Variants in CCDC171 observed in about 807,000 individuals in gnomAD.
The protein encoded by CCDC171 is coiled-coil domain-containing protein 171.
CCDC171 carries 177 observed loss-of-function variants against 168.2 expected under a neutral mutation model. That is an observed-to-expected ratio of 1.05 (90% CI 0.93 to 1.19). The LOEUF is 1.19. Among genes scored for constraint, CCDC171 ranks in the 50% most tolerant of loss-of-function variants. The pLI, the probability that CCDC171 is intolerant of heterozygous loss-of-function variation, is 0.00. For synonymous variants in CCDC171, 687 were observed against 540.8 expected (o/e 1.27, Z -3.75); for missense variants, 1,991 against 1,539.0 (o/e 1.29, Z -4.91).
chr9:15,779,315 A>C (rs947853856), intron 20 of CCDC171, among the ~76,000 whole-genome samples, 165 bp downstream of exon 20: 1 of 152,100 alleles, frequency 6.6e-6, no homozygotes, highest in African/African-American at 2.4e-5. Flanking sequence ...AAATGCCTCT[A>C]ATTGCTGATG....
Position 15,846,321 on chromosome 9 carries a change from C to CT in CCDC171, c.3268-380dup, listed in dbSNP as rs137923808. On this transcript the variant is annotated intron_variant, in intron 21 of 25. Transcript: ENST00000380701. Reference sequence around the variant, plus strand: ...TTTGGGCATATGATAGTTCTTAACTCTAATTCTATTTGGAATAAAATTGAC... The same window carrying CT: ...TTTGGGCATATGATAGTTCTTAACTCTTAATTCTATTTGGAATAAAATTGAC... Among the ~76,000 whole-genome samples, 1,184 of 152,190 alleles carry CT rather than the reference C, an allele frequency of 7.8e-3. 12 individuals carry two copies. Among genetic ancestry groups the CT allele is most frequent in the African/African-American group, 0.027 (1,127 of 41,548 alleles).
chr9:16,075,793 A>T, the CCDC171 span, among the ~76,000 whole-genome samples: 1 of 152,202 alleles, frequency 6.6e-6, no homozygotes, highest in Non-Finnish European at 1.5e-5. Flanking sequence ...GTGGCAACCC[A>T]TTAATGGGTC....
At chr9:15,733,859 C>T (rs1345327511) in intron 16 of CCDC171, among the ~76,000 whole-genome samples, 1 of 152,154 alleles carries the variant, frequency 6.6e-6, no homozygotes, top group South Asian at 2.1e-4. Context: ...GCCTTAACCT[C>T]CTGTGCTCAA....
At chr9:15,766,814 C>G (rs1459956201) in intron 18 of CCDC171, among the ~76,000 whole-genome samples, 5 of 152,090 alleles carry the variant, frequency 3.3e-5, no homozygotes, top group Non-Finnish European at 7.4e-5. Flanking sequence ...TGCTACCACA[C>G]TCAGCTGATT....
At chr9:15,941,416 A>C (rs1827720272) in intron 25 of CCDC171, among the ~76,000 whole-genome samples, 1 of 151,902 alleles carries the variant, frequency 6.6e-6, no homozygotes, top group African/African-American at 2.4e-5. Flanking sequence ...ATTCACATTT[A>C]ATTTGCACCC....
chr9:15,646,173 A>C (rs1040481227), intron 7 of CCDC171, among the ~76,000 whole-genome samples: 10 of 152,202 alleles, frequency 6.6e-5, no homozygotes, highest in Admixed American at 6.5e-5. Flanking sequence ...GGAGAAATAA[A>C]ATCCTTTACA....
chr9:15,692,635 C>T (rs546946879), intron 10 of CCDC171, among the ~76,000 whole-genome samples: 72 of 151,196 alleles, frequency 4.8e-4, no homozygotes, highest in Non-Finnish European at 1.0e-3. Flanking sequence ...TCACGCCATT[C>T]TCCTGCCTCA....
At chr9:15,639,453 C>A (rs922693155) in intron 7 of CCDC171, among the ~76,000 whole-genome samples, 4 of 151,860 alleles carry the variant, frequency 2.6e-5, no homozygotes, top group African/African-American at 9.7e-5. Context: ...AATTTGCGAC[C>A]ACAAATTCTG....
the CCDC171 span, among the ~76,000 whole-genome samples, chr9:16,094,782 T>A: frequency 6.6e-6 from 1 of 152,156 alleles, no homozygotes; most frequent in Non-Finnish European, 1.5e-5. Context: ...AAGGAGGTCA[T>A]CCAAGAAACA....
the CCDC171 span, among the ~76,000 whole-genome samples, chr9:16,100,415 G>C: frequency 4.6e-5 from 7 of 152,098 alleles, no homozygotes; most frequent in Admixed American, 2.6e-4. Flanking sequence ...GATAAAGGGT[G>C]GGGGGTCTGG....
chr9:15,629,585 C>G (rs2045498744), intron 7 of CCDC171, among the ~76,000 whole-genome samples: 2 of 152,234 alleles, frequency 1.3e-5, no homozygotes, highest in Admixed American at 6.5e-5. Flanking sequence ...AGAATGGAAC[C>G]AAGTTGGAAA....
chr9:15,560,751 C>T (rs761335966), intron 1 of CCDC171, among the ~76,000 whole-genome samples: 4 of 152,156 alleles, frequency 2.6e-5, no homozygotes, highest in African/African-American at 4.8e-5. Context: ...AAGTCATTCC[C>T]AGTCCAGCTT....
chr9:16,017,838 C>A (rs763673650), intron 3 of CCDC171, among the ~76,000 whole-genome samples: 1 of 152,124 alleles, frequency 6.6e-6, no homozygotes, highest in Non-Finnish European at 1.5e-5. Context: ...CTAGGTTGAG[C>A]TTTGAGATAT....
chr9:15,610,483 T>TAAAAAAAAAAAAAAAAAAAA (rs1351393897), intron 6 of CCDC171, among the ~76,000 whole-genome samples: 2 of 43,082 alleles, frequency 4.6e-5, no homozygotes, highest in Non-Finnish European at 4.5e-5. Context: ...AAAAAAAAAC[T>TAAAAAAAAAAAAAAAAAAAA]GGGCGTGGTG....
Position 15,657,234 on chromosome 9 carries a change from A to C in CCDC171, c.915+15A>C, listed in dbSNP as rs1260630467. On this transcript the variant is annotated intron_variant, in intron 8 of 25. Coordinates refer to ENST00000380701, the MANE Select transcript of CCDC171 (RefSeq NM_173550.4). The stretch of plus-strand genomic sequence containing the variant: ...AAATTATTCAGGTAAAATGTAAACA[A>C]ATATTTTGGCCTGCATTTTCTTAAT... 6.5e-7 allele frequency: 1 copy of C among 1,527,570 alleles called. No individual in the cohort carries two copies. The highest frequency in any genetic ancestry group is 2.3e-5 in the East Asian group (1 of 44,296). The allele number at this position is 1,527,570 out of a possible 1,614,324, so 94.6% of individuals were successfully genotyped here.
At chr9:15,882,332 G>C (rs945183753) in intron 24 of CCDC171, among the ~76,000 whole-genome samples, 2 of 152,118 alleles carry the variant, frequency 1.3e-5, no homozygotes, top group Non-Finnish European at 2.9e-5. Context: ...TGCATATTCT[G>C]GTTGTTAATC....
Position 15,745,390 on chromosome 9 carries a change from C to T in CCDC171, c.2555-125C>T, listed in dbSNP as rs540912543. The T allele has an allele frequency of 1.7e-5, 8 of 481,498 alleles. No individual in the cohort carries two copies. The South Asian group carries it at 3.6e-4, about 22-fold the overall frequency. 29.8% of individuals were successfully genotyped at this position (481,498 alleles called of 1,614,324 possible). ...ATCTAACATTTAATAGATTTTTCCA[C>T]ATTAGGCAATGTTCACAATAGGGTT... On this transcript the variant is annotated intron_variant, in intron 17 of 25. Coordinates refer to ENST00000380701, the MANE Select transcript of CCDC171 (RefSeq NM_173550.4).
intron 23 of CCDC171, among the ~76,000 whole-genome samples, chr9:15,858,267 C>T (rs1332197398): frequency 1.3e-5 from 2 of 151,936 alleles, no homozygotes; most frequent in African/African-American, 2.4e-5. Context: ...TGATCCACGT[C>T]CTTGGCCTCC....
intron 16 of CCDC171, among the ~76,000 whole-genome samples, chr9:15,740,330 C>T (rs528126454): frequency 6.6e-6 from 1 of 151,676 alleles, no homozygotes; most frequent in Admixed American, 6.6e-5. Flanking sequence ...CTACCTTTAT[C>T]ATTGAAGTTT....
Sources: gnomAD v4.1 joint callset for allele counts (sites outside exome capture counted in the v4.1 genomes callset) on GRCh38, gnomAD v4.1.1 for gene constraint, MANE v1.5 for transcripts, NCBI Gene and HGNC (gene_info 2026-07-23, HGNC 2026-07-21) for gene names.